The following SHISA9 variants were observed in gnomAD, a reference collection of about 807,000 sequenced individuals.
SHISA9 encodes shisa family member 9.
A neutral mutation model predicts 38.0 loss-of-function variants in SHISA9; 13 were observed. The observed-to-expected ratio is 0.34, with a 90% CI of 0.22 to 0.54. SHISA9 has a LOEUF of 0.54. Among genes scored for constraint, SHISA9 ranks in the 20% least tolerant of loss-of-function variants. The pLI, the probability that SHISA9 is intolerant of heterozygous loss-of-function variation, is 0.91. For synonymous variants in SHISA9, 275 were observed against 242.0 expected, an observed-to-expected ratio of 1.14 and a Z score of -1.27; for missense variants, 538 against 575.8, an observed-to-expected ratio of 0.93 and a Z score of 0.67.
the SHISA9 span, among the ~76,000 whole-genome samples, chr16:13,304,574 A>G: frequency 2.0e-5 from 3 of 152,160 alleles, no homozygotes; most frequent in Non-Finnish European, 4.4e-5. Flanking sequence ...TGCCTTTTAG[A>G]TATCTTGGCC....
intron 2 of SHISA9, among the ~76,000 whole-genome samples, chr16:12,993,439 C>T (rs1443620239): frequency 6.6e-6 from 1 of 152,186 alleles, no homozygotes; most frequent in Non-Finnish European, 1.5e-5. Flanking sequence ...GTGCATCATT[C>T]TACCTTTCTG....
chr16:13,517,966 G>A, the SHISA9 span, among the ~76,000 whole-genome samples: 1 of 152,160 alleles, frequency 6.6e-6, no homozygotes, highest in Non-Finnish European at 1.5e-5. Flanking sequence ...CTGCTCTTCT[G>A]GTCTCCATGG....
chr16:13,310,944 C>A, the SHISA9 span, among the ~76,000 whole-genome samples: 4 of 151,870 alleles, frequency 2.6e-5, no homozygotes, highest in African/African-American at 7.3e-5. Context: ...GGCCTCCCAA[C>A]GTGCTGGTAT....
chr16:12,902,716 C>A (rs1488949937), intron 1 of SHISA9, 89 bp downstream of exon 1: 2 of 1,294,990 alleles, frequency 1.5e-6, no homozygotes, highest in Non-Finnish European at 2.1e-6. Context: ...GCGCTCCCCA[C>A]GGTCCCCGCT....
intron 2 of SHISA9, among the ~76,000 whole-genome samples, chr16:12,950,520 T>C (rs1039406152): frequency 3.3e-5 from 5 of 152,138 alleles, no homozygotes; most frequent in African/African-American, 1.2e-4. Flanking sequence ...TCTAGTGCAC[T>C]GTTAGTGGTA....
intron 2 of SHISA9, among the ~76,000 whole-genome samples, chr16:13,026,837 C>T (rs906266886): frequency 6.6e-6 from 1 of 152,120 alleles, no homozygotes; most frequent in Admixed American, 6.6e-5. Context: ...AGCCATGATG[C>T]TTAGTATTAT....
intron 2 of SHISA9, among the ~76,000 whole-genome samples, chr16:13,066,977 T>C (rs2073442196): frequency 1.3e-5 from 2 of 152,130 alleles, no homozygotes; most frequent in Admixed American, 1.3e-4. Context: ...TTCTACTGTA[T>C]TGGGCTGGAG....
chr16:13,450,894 A>G, the SHISA9 span, among the ~76,000 whole-genome samples: 1 of 152,322 alleles, frequency 6.6e-6, no homozygotes, highest in South Asian at 2.1e-4. Context: ...TCATGCATTC[A>G]TTCATTTAAC....
chr16:13,315,081 AT>A, the SHISA9 span, among the ~76,000 whole-genome samples: 73,083 of 151,420 alleles, frequency 0.48, 17,811 homozygotes, highest in Middle Eastern at 0.53. Context: ...CCCTTGTCAA[AT>A]AGAACCTGCT....
chr16:13,186,816 A>G (rs2050829138), intron 2 of SHISA9, among the ~76,000 whole-genome samples: 1 of 152,286 alleles, frequency 6.6e-6, no homozygotes, highest in Non-Finnish European at 1.5e-5. Flanking sequence ...TAAATCATAC[A>G]GTATTTAGTC....
chr16:13,344,380 G>C, the SHISA9 span, among the ~76,000 whole-genome samples: 1 of 152,166 alleles, frequency 6.6e-6, no homozygotes, highest in African/African-American at 2.4e-5. Context: ...TACATACCAG[G>C]AATGGTTCCA....
chr16:13,420,182 G>T, the SHISA9 span, among the ~76,000 whole-genome samples: 1 of 132,990 alleles, frequency 7.5e-6, no homozygotes, highest in African/African-American at 2.7e-5. Context: ...GAGCGGGGAG[G>T]TTGCCCTGAG....
In SHISA9 at chr16:13,116,231, A is replaced by G. The variant is rs2074029757; in HGVS notation, c.692-87163A>G. Among the ~76,000 whole-genome samples, 2 of 152,166 alleles carry G rather than the reference A, an allele frequency of 1.3e-5. 1 individual carries two copies. Among genetic ancestry groups the G allele is most frequent in the South Asian group, 4.1e-4 (2 of 4,822 alleles). The stretch of plus-strand genomic sequence containing the variant: ...CCCTTGTTAAGTTGGCAGAGAATTA[A>G]CGGTGGATTCTACCTGGCATGGGGG... On this transcript the variant is annotated intron_variant, in intron 2 of 4. Coordinates refer to ENST00000558583, the MANE Select transcript of SHISA9 (RefSeq NM_001145204.3).
the SHISA9 span, among the ~76,000 whole-genome samples, chr16:13,477,530 A>G: frequency 6.6e-6 from 1 of 152,190 alleles, no homozygotes; most frequent in Non-Finnish European, 1.5e-5. Flanking sequence ...GTGAGCCTGG[A>G]GAAAGAGATC....
At chr16:13,262,460 C>G in the SHISA9 span, among the ~76,000 whole-genome samples, 1 of 152,312 alleles carries the variant, frequency 6.6e-6, no homozygotes, top group South Asian at 2.1e-4. Flanking sequence ...TATCAGAAGG[C>G]TTATCAGGTT....
chr16:13,318,443 A>T, the SHISA9 span, among the ~76,000 whole-genome samples: 1 of 151,948 alleles, frequency 6.6e-6, no homozygotes, highest in African/African-American at 2.4e-5. Flanking sequence ...CTGCCTTAGC[A>T]TCCTGACTGA....
At chr16:13,366,643 G>C in the SHISA9 span, among the ~76,000 whole-genome samples, 1 of 151,976 alleles carries the variant, frequency 6.6e-6, no homozygotes, top group Non-Finnish European at 1.5e-5. Flanking sequence ...AGGAGTTTGA[G>C]ACCAGCCTGG....
At position 13,220,434 on chromosome 16, in the gene SHISA9, T is replaced by C. The variant is rs1203094603; in HGVS notation, c.895+7134T>C. Among the ~76,000 whole-genome samples, 3 of 152,080 alleles carry C rather than the reference T, an allele frequency of 2.0e-5. No individual in the cohort carries two copies. The East Asian group carries it at 5.8e-4, about 29-fold the overall frequency. ...CATCTCTTAGTCACACGGAACAGAG[T>C]GTAGAGATGGAGAAAGTCAAAGAAT... On this transcript the variant is annotated intron_variant, in intron 4 of 4. Transcript: ENST00000558583.
chr16:13,381,675 ACCTAATTT>A, the SHISA9 span, among the ~76,000 whole-genome samples: 1 of 152,158 alleles, frequency 6.6e-6, no homozygotes, highest in African/African-American at 2.4e-5. Context: ...CTGTAAAAAA[ACCTAATTT>A]CTAAATTAAG....
Sources: gnomAD v4.1 joint callset for allele counts (sites outside exome capture counted in the v4.1 genomes callset) on GRCh38, gnomAD v4.1.1 for gene constraint, MANE v1.5 for transcripts, NCBI Gene and HGNC (gene_info 2026-07-23, HGNC 2026-07-21) for gene names.